Variants in PSMC6 observed in about 807,000 individuals in gnomAD.
PSMC6 encodes the protein 26S proteasome regulatory subunit 10B.
In PSMC6, 3 loss-of-function variants were observed where a neutral mutation model predicts 55.9. The ratio of observed to expected loss-of-function variants is 0.05; its 90% CI spans 0.02 to 0.14. The LOEUF (loss-of-function observed/expected upper bound fraction) is 0.14, where lower values mean the gene tolerates loss of function less well. Ranked by LOEUF, PSMC6 falls within the 10% of genes least tolerant of loss-of-function variation. The pLI, the probability that PSMC6 is intolerant of heterozygous loss-of-function variation, is 1.00. For synonymous variants in PSMC6, 137 were observed against 155.9 expected, an observed-to-expected ratio of 0.88 and a Z score of 0.90; for missense variants, 210 against 478.7, an observed-to-expected ratio of 0.44 and a Z score of 5.24.
chr14:52,707,403 A>G, intron 1 of PSMC6, 99 bp downstream of exon 1: 2 of 1,512,476 alleles, frequency 1.3e-6, no homozygotes, highest in Non-Finnish European at 1.8e-6. Flanking sequence ...CGAGCCTTAG[A>G]GATGACCAGG....
chr14:52,713,217 C>T (rs1353018161), intron 6 of PSMC6, among the ~76,000 whole-genome samples: 1 of 151,830 alleles, frequency 6.6e-6, no homozygotes, highest in African/African-American at 2.4e-5. Flanking sequence ...GCAACAGACT[C>T]TGTCTCAAAA....
At chr14:52,715,556 A>T (rs2041821241) in intron 7 of PSMC6, among the ~76,000 whole-genome samples, 1 of 152,144 alleles carries the variant, frequency 6.6e-6, no homozygotes, top group Non-Finnish European at 1.5e-5. Flanking sequence ...TGAAAATTAG[A>T]ATTTTTAGAA....
rs777973212 is a variant in PSMC6 at position 52,707,236 on chromosome 14, A to G, written c.17A>G (p.Asp6Gly). MADPR[D>G]KALQDYRKKL... ...CTTCTCATCATGGCGGACCCTAGAG[A>G]TAAGGCGCTTCAGGACTACCGCAAG... The change falls in exon 1 of 14, where the codon GAT becomes GGT. Residue 6 changes from aspartate to glycine, a missense_variant. Transcript: ENST00000445930. 9.3e-6 allele frequency: 15 copies of G among 1,613,748 alleles called. No homozygotes were observed. Among genetic ancestry groups the G allele is most frequent in the Non-Finnish European group, 1.3e-5 (15 of 1,179,950 alleles).
rs1397212704 is a variant in PSMC6 at position 52,708,866 on chromosome 14, T to C, written c.258+50T>C. On this transcript the variant is annotated intron_variant, in intron 4 of 13. Transcript: ENST00000445930. ...CCTGATGATTGACAAAGCAGTTTCATGTAAGTTATTGTCTCTAATTCTTGA... is the reference window on the plus strand; with the variant it reads ...CCTGATGATTGACAAAGCAGTTTCACGTAAGTTATTGTCTCTAATTCTTGA... 1.1e-5 allele frequency: 17 copies of C among 1,600,624 alleles called. No individual in the cohort carries two copies. In the Admixed American group the frequency reaches 2.8e-4, roughly 27 times the overall value.
chr14:52,707,332 C>A, intron 1 of PSMC6, 28 bp downstream of exon 1: 4 of 1,612,914 alleles, frequency 2.5e-6, no homozygotes, highest in Non-Finnish European at 3.4e-6. Context: ...TCCATTTAAT[C>A]AAGTGCCTCG....
At chr14:52,708,590 T>G in intron 3 of PSMC6, 68 bp downstream of exon 3, 1 of 1,554,228 alleles carries the variant, frequency 6.4e-7, no homozygotes, top group Non-Finnish European at 8.8e-7. Context: ...TTGAAATGCT[T>G]ATTATTTTAA....
chr14:52,709,678 A>G, intron 4 of PSMC6: 1 of 428,336 alleles, frequency 2.3e-6, no homozygotes, highest in Non-Finnish European at 4.6e-6. Context: ...CGAAGTATAT[A>G]TAAGTTGAGT....
chr14:52,714,865 C>CAAG (rs2041813150), intron 7 of PSMC6, among the ~76,000 whole-genome samples: 1 of 67,104 alleles, frequency 1.5e-5, no homozygotes, highest in African/African-American at 6.0e-5. Context: ...GACTCCTTCT[C>CAAG]AAAAAAAAAA....
chr14:52,721,286 T>C, intron 12 of PSMC6, 96 bp downstream of exon 12: 1 of 1,069,380 alleles, frequency 9.4e-7, no homozygotes, highest in South Asian at 1.8e-5. Flanking sequence ...TGGTTTTAAA[T>C]TCAGCAAATG....
chr14:52,707,413 G>C, intron 1 of PSMC6, 109 bp downstream of exon 1: 1 of 1,447,844 alleles, frequency 6.9e-7, no homozygotes, highest in South Asian at 1.3e-5. Context: ...AGATGACCAG[G>C]CCTAGGGCCA....
At chr14:52,721,916 C>T (rs1281981656) in intron 12 of PSMC6, 1 of 152,480 alleles carries the variant, frequency 6.6e-6, no homozygotes, top group Non-Finnish European at 1.5e-5. Flanking sequence ...CAGGCACACA[C>T]CACCAACCCT....
intron 11 of PSMC6, 22 bp downstream of exon 11, chr14:52,721,003 A>G: frequency 6.2e-7 from 1 of 1,609,864 alleles, no homozygotes; most frequent in Non-Finnish European, 8.5e-7. Context: ...TTCTTTACCT[A>G]CTGTCCATTT....
At chr14:52,716,667 C>A (rs866224785) in intron 7 of PSMC6, among the ~76,000 whole-genome samples, 3 of 152,050 alleles carry the variant, frequency 2.0e-5, no homozygotes, top group African/African-American at 7.3e-5. Flanking sequence ...GCAGGAGAAT[C>A]ACTTGAACCT....
At chr14:52,727,253 T>G (rs1444290570) in intron 13 of PSMC6, among the ~76,000 whole-genome samples, 3 of 151,426 alleles carry the variant, frequency 2.0e-5, no homozygotes, top group Non-Finnish European at 4.4e-5. Flanking sequence ...ATGGTCTTAA[T>G]CTCTTGACAT....
intron 10 of PSMC6, among the ~76,000 whole-genome samples, chr14:52,719,543 A>G (rs1158706957): frequency 6.6e-6 from 1 of 152,198 alleles, no homozygotes; most frequent in African/African-American, 2.4e-5. Context: ...CCCCACTCCA[A>G]ATTCTGTGAA....
Position 52,727,892 on chromosome 14 carries a change from T to G in PSMC6, c.*275T>G. 3.4e-6 allele frequency: 1 copy of G among 290,674 alleles called. No individual in the cohort carries two copies. The highest frequency in any genetic ancestry group is 6.5e-6 in the Non-Finnish European group (1 of 152,722). 18.0% of individuals were successfully genotyped at this position (290,674 alleles called of 1,614,324 possible). On this transcript the variant is annotated 3_prime_UTR_variant, in exon 14 of 14. Coordinates refer to ENST00000445930, the MANE Select transcript of PSMC6 (RefSeq NM_002806.5). ...ATTTTGTAAAATATTGAAAGTGGTT[T>G]GAGATAGTGGTATAAGAAAGCATTT...
chr14:52,707,342 G>A, intron 1 of PSMC6, 38 bp downstream of exon 1: 1 of 1,611,396 alleles, frequency 6.2e-7, no homozygotes, highest in African/African-American at 1.3e-5. Context: ...CAAGTGCCTC[G>A]ACTCGCTTCT....
At chr14:52,720,222 CAAAAAAA>C (rs34123680) in intron 10 of PSMC6, among the ~76,000 whole-genome samples, 1 of 62,392 alleles carries the variant, frequency 1.6e-5, no homozygotes, top group African/African-American at 6.8e-5. Context: ...AGTCTGTCTC[CAAAAAAA>C]AAAAAAAAAA....
At chr14:52,714,759 G>A (rs1472621466) in intron 7 of PSMC6, among the ~76,000 whole-genome samples, 3 of 151,340 alleles carry the variant, frequency 2.0e-5, no homozygotes, top group South Asian at 2.1e-4. Flanking sequence ...CCAGCTACTC[G>A]GGAAGCTGAG....
Sources: gnomAD v4.1 joint callset for allele counts (sites outside exome capture counted in the v4.1 genomes callset) on GRCh38, gnomAD v4.1.1 for gene constraint, MANE v1.5 for transcripts, NCBI Gene and HGNC (gene_info 2026-07-23, HGNC 2026-07-21) for gene names.